Variants in ADARB2 observed in about 807,000 individuals in gnomAD.
The protein encoded by ADARB2 is inactive double-stranded RNA-specific editase B2.
Under a neutral mutation model 62.2 loss-of-function variants are expected in ADARB2, and 25 were observed. The observed-to-expected ratio is 0.40, with a 90% CI of 0.29 to 0.56. The LOEUF (loss-of-function observed/expected upper bound fraction) is 0.56, where lower values mean the gene tolerates loss of function less well. Among genes scored for constraint, ADARB2 ranks in the 20% least tolerant of loss-of-function variants. The pLI, the probability that ADARB2 is intolerant of heterozygous loss-of-function variation, is 0.43. For synonymous variants in ADARB2, 572 were observed against 500.8 expected, an observed-to-expected ratio of 1.14 and a Z score of -1.90; for missense variants, 1,071 against 1,077.4, an observed-to-expected ratio of 0.99 and a Z score of 0.08.
intron 1 of ADARB2, among the ~76,000 whole-genome samples, chr10:1,693,863 A>T (rs1479779116): frequency 6.6e-6 from 1 of 152,216 alleles, no homozygotes; most frequent in African/African-American, 2.4e-5. Context: ...CAATTAGGGC[A>T]TTGTATAGTG....
At chr10:1,370,410 A>G (rs1300264830) in intron 2 of ADARB2, among the ~76,000 whole-genome samples, 1 of 152,212 alleles carries the variant, frequency 6.6e-6, no homozygotes, top group East Asian at 1.9e-4. Context: ...GTCCACTCTC[A>G]CTACTTCTAC....
intron 1 of ADARB2, among the ~76,000 whole-genome samples, chr10:1,431,128 G>A (rs1008573675): frequency 1.4e-5 from 2 of 140,374 alleles, no homozygotes; most frequent in African/African-American, 6.2e-5. Flanking sequence ...CAGCAACATA[G>A]AATACACATA....
chr10:1,314,424 C>T (rs1466654787), intron 3 of ADARB2, among the ~76,000 whole-genome samples: 1 of 150,622 alleles, frequency 6.6e-6, no homozygotes, highest in Non-Finnish European at 1.5e-5. Flanking sequence ...CCTCCCTGGT[C>T]TGCCCCTGCA....
chr10:1,365,266 T>C (rs1017065346), intron 2 of ADARB2, among the ~76,000 whole-genome samples: 3 of 152,142 alleles, frequency 2.0e-5, no homozygotes, highest in African/African-American at 7.2e-5. Flanking sequence ...ACTATGGTGA[T>C]TGTCTTGGAG....
intron 1 of ADARB2, among the ~76,000 whole-genome samples, chr10:1,501,400 G>C (rs1831767158): frequency 6.6e-6 from 1 of 152,170 alleles, no homozygotes; most frequent in Non-Finnish European, 1.5e-5. Context: ...GTGCCACACA[G>C]CCCAGTTGTA....
At position 1,181,192 on chromosome 10, in the gene ADARB2, G is replaced by C. The variant is rs1836670425; in HGVS notation, c.*2001C>G. ...GGTGGGAGACTTCAGCCAGGAGCTGGCCGTGCTCCCACGCATTCAGGGGAG... is the reference window on the plus strand; with the variant it reads ...GGTGGGAGACTTCAGCCAGGAGCTGCCCGTGCTCCCACGCATTCAGGGGAG... On this transcript the variant is annotated 3_prime_UTR_variant, in exon 10 of 10. Transcript: ENST00000381312. The C allele has an allele frequency of 6.6e-6, 1 of 152,256 alleles. No individual in the cohort carries two copies. Among genetic ancestry groups the C allele is most frequent in the South Asian group, 2.1e-4 (1 of 4,834 alleles). 9.4% of individuals were successfully genotyped at this position (152,256 alleles called of 1,614,324 possible).
intron 6 of ADARB2, among the ~76,000 whole-genome samples, chr10:1,219,807 G>T (rs1269273237): frequency 1.3e-5 from 2 of 148,812 alleles, no homozygotes; most frequent in East Asian, 4.0e-4. Context: ...GATGGCAATG[G>T]TGATGATGGT....
chr10:1,583,012 A>G (rs545527091), intron 1 of ADARB2, among the ~76,000 whole-genome samples: 1 of 152,316 alleles, frequency 6.6e-6, no homozygotes, highest in Non-Finnish European at 1.5e-5. Flanking sequence ...AGATGCATCC[A>G]CTTTGTACTT....
intron 8 of ADARB2, among the ~76,000 whole-genome samples, chr10:1,188,827 C>T (rs1355332950): frequency 5.9e-5 from 9 of 152,200 alleles, no homozygotes; most frequent in Non-Finnish European, 1.2e-4. Context: ...TTAGGTTTGC[C>T]GTTAATGACT....
intron 1 of ADARB2, among the ~76,000 whole-genome samples, chr10:1,381,113 T>G (rs1173926923): frequency 6.6e-6 from 1 of 152,196 alleles, no homozygotes; most frequent in Admixed American, 6.5e-5. Context: ...AATAGACAAT[T>G]TTTTCATATA....
rs551695063 is a variant in ADARB2 at position 1,543,135 on chromosome 10, T to C, written c.101-163975A>G. 3.5e-3 allele frequency among the ~76,000 whole-genome samples: 539 copies of C among 152,320 alleles called. 4 individuals carry two copies. The highest frequency in any genetic ancestry group is 0.012 in the African/African-American group (491 of 41,568). On this transcript the variant is annotated intron_variant, in intron 1 of 9. Coordinates refer to ENST00000381312, the MANE Select transcript of ADARB2 (RefSeq NM_018702.4). ...GGGCGGTGTGGGGTGGCTTCCCTGCTCTCCCTGCTCTCTGCGTTCCCACGG... is the reference window on the plus strand; with the variant it reads ...GGGCGGTGTGGGGTGGCTTCCCTGCCCTCCCTGCTCTCTGCGTTCCCACGG...
intron 1 of ADARB2, among the ~76,000 whole-genome samples, chr10:1,669,365 C>G (rs1408607437): frequency 3.9e-5 from 6 of 152,200 alleles, no homozygotes; most frequent in African/African-American, 1.4e-4. Flanking sequence ...GAAGCTACCA[C>G]CACCCACCTG....
chr10:1,600,054 A>C (rs1833390095), intron 1 of ADARB2, among the ~76,000 whole-genome samples: 1 of 152,266 alleles, frequency 6.6e-6, no homozygotes, highest in African/African-American at 2.4e-5. Context: ...CTGTGAAATA[A>C]TTTGATGACA....
At chr10:1,594,806 C>T (rs1241863653) in intron 1 of ADARB2, among the ~76,000 whole-genome samples, 1 of 152,188 alleles carries the variant, frequency 6.6e-6, no homozygotes, top group African/African-American at 2.4e-5. Context: ...AGTGGAGACT[C>T]GCAGAATTGC....
At chr10:1,689,663 T>G (rs886107017) in intron 1 of ADARB2, among the ~76,000 whole-genome samples, 5 of 152,224 alleles carry the variant, frequency 3.3e-5, no homozygotes, top group African/African-American at 1.2e-4. Context: ...TCACCTAACT[T>G]GATGGGTGTT....
At chr10:1,298,420 T>G (rs1221028928) in intron 3 of ADARB2, among the ~76,000 whole-genome samples, 1 of 152,180 alleles carries the variant, frequency 6.6e-6, no homozygotes, top group Non-Finnish European at 1.5e-5. Context: ...GAGCAGATGT[T>G]GTCTATTGAA....
At chr10:1,697,214 C>G (rs2119135513) in intron 1 of ADARB2, among the ~76,000 whole-genome samples, 1 of 152,282 alleles carries the variant, frequency 6.6e-6, no homozygotes, top group East Asian at 1.9e-4. Context: ...CACCTAAACA[C>G]ACACATTCCC....
At chr10:1,214,196 GGGTTTGCACCTGTGTCCAGCATCGTGTA>G (rs1837200386) in intron 7 of ADARB2, among the ~76,000 whole-genome samples, 1 of 151,604 alleles carries the variant, frequency 6.6e-6, no homozygotes, top group African/African-American at 2.4e-5. Flanking sequence ...GGCGTTGCAT[GGGTTTGCACCTGTGTCCAGCATCGTGTA>G]GGTTTGCACC....
At chr10:1,428,765 G>A (rs1034831366) in intron 1 of ADARB2, among the ~76,000 whole-genome samples, 2 of 151,822 alleles carry the variant, frequency 1.3e-5, no homozygotes, top group Non-Finnish European at 2.9e-5. Flanking sequence ...TCACAGTGAT[G>A]GTGGACGTAC....
Sources: allele counts gnomAD v4.1 joint callset (sites outside exome capture counted in the v4.1 genomes callset), GRCh38; gene constraint gnomAD v4.1.1; transcripts MANE v1.5; gene names NCBI Gene and HGNC (gene_info 2026-07-23, HGNC 2026-07-21).